The following RANBP2 variants were observed in gnomAD, a reference collection of about 807,000 sequenced individuals.
RANBP2 encodes the protein E3 SUMO-protein ligase RanBP2.
In RANBP2, 57 loss-of-function variants were observed where a neutral mutation model predicts 303.6. The observed-to-expected ratio is 0.19, with a 90% CI of 0.15 to 0.23. The LOEUF (loss-of-function observed/expected upper bound fraction) is 0.23, where lower values mean the gene tolerates loss of function less well. Ranked by LOEUF, RANBP2 falls within the 10% of genes least tolerant of loss-of-function variation. The pLI, the probability that RANBP2 is intolerant of heterozygous loss-of-function variation, is 1.00. For missense variants in RANBP2, 3,138 were observed against 3,780.8 expected, an observed-to-expected ratio of 0.83 and a Z score of 4.46; for synonymous variants, 1,167 against 1,301.5, an observed-to-expected ratio of 0.90 and a Z score of 2.23.
chr2:109,180,710 C>T, the RANBP2 span, among the ~76,000 whole-genome samples: 4 of 152,308 alleles, frequency 2.6e-5, no homozygotes, highest in African/African-American at 9.6e-5. Context: ...CCTTTCCTTC[C>T]ACCACCATTG....
chr2:109,120,256 G>A, the RANBP2 span, among the ~76,000 whole-genome samples: 1 of 152,214 alleles, frequency 6.6e-6, no homozygotes, highest in East Asian at 1.9e-4. Context: ...CAGCTGGCCT[G>A]GCTTACCCTG....
At chr2:108,845,404 A>G in the RANBP2 span, among the ~76,000 whole-genome samples, 1 of 152,182 alleles carries the variant, frequency 6.6e-6, no homozygotes, top group Non-Finnish European at 1.5e-5. Context: ...ATACTGAGTT[A>G]GGAACCAGTT....
In RANBP2 at chr2:108,765,577, G is replaced by A. The variant is rs774791345; in HGVS notation, c.5038G>A (p.Ala1680Thr). ...DCSVCLVRNEASATKCIACQN... is the reference protein window; with the variant it reads ...DCSVCLVRNETSATKCIACQN... Reference sequence around the variant, plus strand: ...CAGTGTGTGCTTAGTAAGAAATGAAGCCAGTGCTACCAAATGTATTGCTTG... The same window carrying A: ...CAGTGTGTGCTTAGTAAGAAATGAAACCAGTGCTACCAAATGTATTGCTTG... The change falls in exon 20 of 29, where the codon GCC (alanine) becomes ACC (threonine). Residue 1680 changes from alanine to threonine, a missense_variant. Ala to Thr is a moderately conservative substitution (Grantham distance 58). This residue lies in a region of RANBP2 where 51 missense variants were observed against 112.1 expected (regional missense o/e 0.45). Coordinates refer to ENST00000283195, the MANE Select transcript of RANBP2 (RefSeq NM_006267.5). 1 of 1,498,608 alleles carries A rather than the reference G, an allele frequency of 6.7e-7. No individual in the cohort carries two copies. The allele number at this position is 1,498,608 out of a possible 1,614,324, so 92.8% of individuals were successfully genotyped here. A position where few individuals can be genotyped will look rare whatever the true frequency, so the allele number is the denominator to read the frequency against.
chr2:108,734,447 T>TA (rs1695407498), intron 4 of RANBP2, among the ~76,000 whole-genome samples: 1 of 149,536 alleles, frequency 6.7e-6, no homozygotes, highest in African/African-American at 2.5e-5. Context: ...AGCTTGGGGT[T>TA]ATGATTTCCC....
At chr2:109,413,842 C>T in the RANBP2 span, among the ~76,000 whole-genome samples, 74,229 of 152,132 alleles carry the variant, frequency 0.49, 18,415 homozygotes, top group Middle Eastern at 0.56. Context: ...AGGGCTTTCC[C>T]TGCAGGGAGC....
At chr2:109,311,705 G>C in the RANBP2 span, among the ~76,000 whole-genome samples, 1 of 152,174 alleles carries the variant, frequency 6.6e-6, no homozygotes, top group Admixed American at 6.5e-5. Context: ...GATGTACCCT[G>C]GTGGTGGTTT....
At chr2:109,693,254 T>G in the RANBP2 span, among the ~76,000 whole-genome samples, 1 of 152,164 alleles carries the variant, frequency 6.6e-6, no homozygotes, top group African/African-American at 2.4e-5. Context: ...CTCAGTTCAC[T>G]GCAACCTCCT....
At chr2:109,353,765 A>T in the RANBP2 span, among the ~76,000 whole-genome samples, 1 of 152,170 alleles carries the variant, frequency 6.6e-6, no homozygotes, top group African/African-American at 2.4e-5. Flanking sequence ...ACAAGACGAG[A>T]GAGTCTCCCC....
chr2:108,781,296 G>C lies in RANBP2; in HGVS notation c.8627G>C (p.Gly2876Ala). Residue 2876 changes from glycine to alanine, a missense_variant, in exon 26 of 29, where the codon GGA becomes GCA. Gly to Ala is a moderately conservative substitution (Grantham distance 60). Around this residue, in one of 20 missense-constraint regions of RANBP2, gnomAD observed 497 missense variants for 465.8 expected, o/e 1.07. Transcript: ENST00000283195. ...AAAAATTTCCAATGGGCAAATACTG[G>C]AGCAGCTGTGTTTGGAACACAGTCA... ...KDKNFQWANT[G>A]AAVFGTQSVG... is the part of the protein sequence containing the mutation. The C allele has an allele frequency of 6.2e-7, 1 of 1,614,116 alleles. No homozygotes were observed. Among genetic ancestry groups the C allele is most frequent in the Non-Finnish European group, 8.5e-7 (1 of 1,180,030 alleles).
At chr2:108,876,837 AT>A in the RANBP2 span, among the ~76,000 whole-genome samples, 9 of 152,202 alleles carry the variant, frequency 5.9e-5, no homozygotes, top group African/African-American at 2.2e-4. Context: ...AAGGCAAGAC[AT>A]TTTTTAAACA....
chr2:109,083,309 C>T, the RANBP2 span, among the ~76,000 whole-genome samples: 1 of 152,168 alleles, frequency 6.6e-6, no homozygotes, highest in Admixed American at 6.5e-5. Context: ...CCACCCACCA[C>T]AGCCCCTGGC....
the RANBP2 span, among the ~76,000 whole-genome samples, chr2:109,319,203 T>C: frequency 6.6e-6 from 1 of 152,226 alleles, no homozygotes; most frequent in South Asian, 2.1e-4. Context: ...ATATGCCAGA[T>C]AGTGACAGTG....
At chr2:109,090,303 C>A in the RANBP2 span, among the ~76,000 whole-genome samples, 3 of 141,144 alleles carry the variant, frequency 2.1e-5, no homozygotes, top group Non-Finnish European at 4.5e-5. Flanking sequence ...TTGTAGGACA[C>A]CTCGCCTCAC....
At chr2:109,659,305 G>A in the RANBP2 span, among the ~76,000 whole-genome samples, 3 of 151,856 alleles carry the variant, frequency 2.0e-5, no homozygotes, top group Non-Finnish European at 2.9e-5. Context: ...TGCCTGGGAG[G>A]CAGAGGTCGC....
the RANBP2 span, among the ~76,000 whole-genome samples, chr2:109,261,191 C>T: frequency 6.6e-6 from 1 of 152,084 alleles, no homozygotes; most frequent in South Asian, 2.1e-4. Flanking sequence ...CAGGTATGGT[C>T]AGGGCCCTTT....
the RANBP2 span, among the ~76,000 whole-genome samples, chr2:109,295,091 G>A: frequency 6.6e-6 from 1 of 152,232 alleles, no homozygotes; most frequent in African/African-American, 2.4e-5. Context: ...AGAAAATTGA[G>A]ATGCAGACTT....
At chr2:109,639,541 C>T in the RANBP2 span, among the ~76,000 whole-genome samples, 1 of 151,874 alleles carries the variant, frequency 6.6e-6, no homozygotes, top group Non-Finnish European at 1.5e-5. Context: ...ATCGCTTGAA[C>T]CCAGGAGGCG....
the RANBP2 span, among the ~76,000 whole-genome samples, chr2:109,109,317 C>T: frequency 6.6e-6 from 1 of 152,226 alleles, no homozygotes; most frequent in Non-Finnish European, 1.5e-5. Context: ...GCACATGATT[C>T]GGGCCTTTGT....
the RANBP2 span, among the ~76,000 whole-genome samples, chr2:108,964,332 C>T: frequency 1.3e-5 from 2 of 152,090 alleles, no homozygotes; most frequent in African/African-American, 2.4e-5. Context: ...ATCTGGACTC[C>T]AGTTCAAGTC....
Sources: allele counts gnomAD v4.1 joint callset (sites outside exome capture counted in the v4.1 genomes callset), GRCh38; gene constraint gnomAD v4.1.1; regional missense constraint gnomAD v4.1.1; transcripts MANE v1.5; gene names NCBI Gene and HGNC (gene_info 2026-07-23, HGNC 2026-07-21).